Variants in RUFY4 observed in about 807,000 individuals in gnomAD.
The protein encoded by RUFY4 is RUN and FYVE domain-containing protein 4.
RUFY4 carries 73 observed loss-of-function variants against 69.0 expected under a neutral mutation model. That is an observed-to-expected ratio of 1.06 (90% CI 0.88 to 1.29). The LOEUF (loss-of-function observed/expected upper bound fraction) is 1.29, where lower values mean the gene tolerates loss of function less well. Ranked by LOEUF, RUFY4 falls within the 50% of genes most tolerant of loss-of-function variation. The pLI, the probability that RUFY4 is intolerant of heterozygous loss-of-function variation, is 0.00. For synonymous variants in RUFY4, 287 were observed against 271.8 expected (o/e 1.06, Z -0.55); for missense variants, 770 against 705.6 (o/e 1.09, Z -1.03).
chr2:218,049,765 C>A (rs1331579019), intron 2 of RUFY4, among the ~76,000 whole-genome samples: 2 of 152,224 alleles, frequency 1.3e-5, no homozygotes, highest in African/African-American at 4.8e-5. Context: ...GCCTCAGCCT[C>A]CCAAAGTGCT....
chr2:218,088,455 CAAA>C (rs112643399), intron 9 of RUFY4, among the ~76,000 whole-genome samples: 4,011 of 88,246 alleles, frequency 0.045, 182 homozygotes, highest in African/African-American at 0.13. Context: ...GAGATGCTGT[CAAA>C]AAAAAAAAAA....
chr2:218,088,518 C>T (rs1689946928), intron 9 of RUFY4, among the ~76,000 whole-genome samples: 1 of 151,388 alleles, frequency 6.6e-6, no homozygotes, highest in Non-Finnish European at 1.5e-5. Context: ...CAAGGGCATA[C>T]ATGTAAATAA....
chr2:218,049,005 C>T (rs1009660878), intron 2 of RUFY4, among the ~76,000 whole-genome samples: 6 of 152,114 alleles, frequency 3.9e-5, no homozygotes, highest in South Asian at 2.1e-4. Flanking sequence ...ATTTATCTTT[C>T]GAAGAGCATA....
upstream of RUFY4, among the ~76,000 whole-genome samples, chr2:218,065,999 TG>T (rs1689315556): frequency 5.9e-5 from 6 of 101,144 alleles, no homozygotes; most frequent in South Asian, 1.8e-3. Context: ...CCAGAAGACT[TG>T]GGGGACAAGG....
rs1280857375 is a variant in RUFY4, at chr2:218,071,307, T to A, written c.153+448T>A. ...CCACCCCCCAACACCCCGACACACA[T>A]CTTCCTGCTTCTCTGACTTCATCTT... On this transcript the variant is annotated intron_variant, in intron 2 of 10. Coordinates refer to ENST00000344321, the Ensembl canonical transcript of RUFY4. 2.0e-5 allele frequency among the ~76,000 whole-genome samples: 3 copies of A among 152,060 alleles called. No individual in the cohort carries two copies. The East Asian group carries it at 5.8e-4, about 29-fold the overall frequency.
intron 5 of RUFY4, 59 bp from the exon 8 acceptor site, chr2:218,073,757 G>A (rs1689552421): frequency 6.3e-7 from 1 of 1,592,578 alleles, no homozygotes; most frequent in Non-Finnish European, 8.6e-7. Context: ...CCCTCCATCT[G>A]AGGACCAAGC....
intron 7 of RUFY4, 70 bp from the exon 10 acceptor site, chr2:218,076,357 A>G (rs1689630023): frequency 2.0e-6 from 3 of 1,512,692 alleles, no homozygotes; most frequent in East Asian, 2.5e-5. Context: ...AATGTTGTTC[A>G]GGTCAGCCCC....
At chr2:218,075,389 G>A (rs577036673) in exon 7 of RUFY4, 1 of 1,613,392 alleles carries the variant, frequency 6.2e-7, no homozygotes, top group African/African-American at 1.3e-5. Flanking sequence ...AGGGACAGGG[G>A]AAGGGGGCTA....
At chr2:218,075,403 G>C (rs763789476) in exon 7 of RUFY4, 2 of 1,613,062 alleles carry the variant, frequency 1.2e-6, no homozygotes, top group South Asian at 2.2e-5. Flanking sequence ...GGGGCTATGG[G>C]CACTCAGAAG....
intron 3 of RUFY4, among the ~76,000 whole-genome samples, chr2:218,064,029 C>A (rs1234299395): frequency 6.6e-6 from 1 of 152,152 alleles, no homozygotes; most frequent in African/African-American, 2.4e-5. Context: ...AAGTTGGTCA[C>A]AAAACAATAG....
intron 2 of RUFY4, among the ~76,000 whole-genome samples, chr2:218,057,316 G>A (rs1348815045): frequency 6.6e-6 from 1 of 152,162 alleles, no homozygotes; most frequent in Non-Finnish European, 1.5e-5. Flanking sequence ...GTTTTGTTTA[G>A]AAATTCATCT....
In RUFY4 at chr2:218,083,893, G is replaced by A. The variant is rs553343611; in HGVS notation, c.1502+637G>A. On this transcript the variant is annotated intron_variant, in intron 9 of 10. Transcript: ENST00000344321. ...AGGGAGGAGAAAGGAACCATGGGTT[G>A]AGAAGGAATTGGGAGAAGGAGGAAA... Among the ~76,000 whole-genome samples the A allele has an allele frequency of 8.6e-4, 129 of 150,094 alleles. 2 individuals are homozygous for A. The East Asian group carries it at 0.017, about 20-fold the overall frequency.
chr2:218,051,764 A>C (rs930040251), intron 2 of RUFY4, among the ~76,000 whole-genome samples: 1 of 152,192 alleles, frequency 6.6e-6, no homozygotes, highest in Non-Finnish European at 1.5e-5. Context: ...CATCAGGGGT[A>C]CCATGGCACA....
chr2:218,061,808 A>T (rs1689201028), intron 3 of RUFY4, among the ~76,000 whole-genome samples: 1 of 152,222 alleles, frequency 6.6e-6, no homozygotes, highest in South Asian at 2.1e-4. Flanking sequence ...TTTAATGTTC[A>T]GAAACATGAG....
At chr2:218,083,318 C>A in intron 9 of RUFY4, 62 bp downstream of exon 11, 1 of 1,513,824 alleles carries the variant, frequency 6.6e-7, no homozygotes, top group Admixed American at 2.2e-5. Flanking sequence ...ATGTGGAGCC[C>A]GGAGCGTGAA....
intron 2 of RUFY4, among the ~76,000 whole-genome samples, chr2:218,045,845 C>T (rs1038015679): frequency 6.6e-6 from 1 of 151,028 alleles, no homozygotes; most frequent in Non-Finnish European, 1.5e-5. Context: ...CGCTCTGTTG[C>T]CCAGGCTGGA....
rs565685301 is a variant in RUFY4, at chr2:218,046,748, T to C, written c.-1158+11354T>C. On this transcript the variant is annotated intron_variant and NMD_transcript_variant, in intron 2 of 13. Transcript: ENST00000457754. The stretch of plus-strand genomic sequence containing the variant: ...TTAGAGAAAGTTCAGCATCACTTAT[T>C]ATTTGGCAGTGCCTCTCATGCAATT... 9.8e-5 allele frequency among the ~76,000 whole-genome samples: 15 copies of C among 152,344 alleles called. No homozygotes were observed. In the South Asian group the frequency reaches 1.7e-3, roughly 17 times the overall value.
Position 218,072,441 on chromosome 2 carries a change from C to T in RUFY4, c.221C>T (p.Ala74Val), listed in dbSNP as rs1041522650. Reference sequence around the variant, plus strand: ...GATTACTGGGACTTTCTCTGCACTGCCCTACGACGGCAGCGGGGAAACATG... The same window carrying T: ...GATTACTGGGACTTTCTCTGCACTGTCCTACGACGGCAGCGGGGAAACATG... Residue 74 changes from alanine (A) to valine (V), a missense_variant, in exon 3 of 11, where the codon GCC (alanine) becomes GTC (valine). Ala to Val is a moderately conservative substitution (Grantham distance 64, BLOSUM62 0). Coordinates refer to ENST00000344321, the Ensembl canonical transcript of RUFY4. The T allele has an allele frequency of 7.2e-6, 11 of 1,537,282 alleles. No individual in the cohort carries two copies. The African/African-American group carries it at 1.4e-4, about 19-fold the overall frequency.
intron 2 of RUFY4, among the ~76,000 whole-genome samples, chr2:218,071,358 C>A (rs1026752012): frequency 2.6e-5 from 4 of 152,194 alleles, no homozygotes; most frequent in African/African-American, 9.7e-5. Flanking sequence ...TCATCTACTG[C>A]ACTTCAGCTC....
Sources: gnomAD v4.1 joint callset for allele counts (sites outside exome capture counted in the v4.1 genomes callset) on GRCh38, gnomAD v4.1.1 for gene constraint, MANE v1.5 for transcripts, NCBI Gene and HGNC (gene_info 2026-07-23, HGNC 2026-07-21) for gene names.